PTPRD: variants seen among roughly 807,000 people sequenced by gnomAD.
The protein encoded by PTPRD is protein tyrosine phosphatase receptor type D.
PTPRD carries 34 observed loss-of-function variants against 214.5 expected under a neutral mutation model. That is an observed-to-expected ratio of 0.16 (90% confidence interval 0.12 to 0.21). PTPRD has a LOEUF of 0.21. PTPRD is among the 10% of genes least tolerant of loss of function. The pLI is 1.00. For synonymous variants in PTPRD, 1,128 were observed against 845.7 expected, an observed-to-expected ratio of 1.33 and a Z score of -5.79; for missense variants, 2,545 against 2,398.7, an observed-to-expected ratio of 1.06 and a Z score of -1.27.
intron 9 of PTPRD, among the ~76,000 whole-genome samples, chr9:9,276,955 C>G (rs116943154): frequency 6.6e-6 from 1 of 151,376 alleles, no homozygotes; most frequent in East Asian, 2.0e-4. Context: ...AATGCCAGGA[C>G]AGCATTTTCA....
chr9:9,685,834 A>G (rs2097157136), intron 7 of PTPRD, among the ~76,000 whole-genome samples: 1 of 151,284 alleles, frequency 6.6e-6, no homozygotes, highest in African/African-American at 2.4e-5. Flanking sequence ...AAGCTCTACA[A>G]CTCTTCATTA....
chr9:10,164,420 T>A (rs2099146715), intron 3 of PTPRD, among the ~76,000 whole-genome samples: 1 of 151,512 alleles, frequency 6.6e-6, no homozygotes, highest in Non-Finnish European at 1.5e-5. Flanking sequence ...ATACTAAGTT[T>A]GCCATCGATG....
rs1409746987 is a variant in PTPRD at position 9,395,190 on chromosome 9, A to AC, written c.-203+2258_-203+2259insG. Reference sequence around the variant, plus strand: ...TGACCCTCCCAGGAACATGAAACAAAAAAAAAAAAAAGTATGGGGTCTAAT... The same window carrying AC: ...TGACCCTCCCAGGAACATGAAACAAACAAAAAAAAAAAGTATGGGGTCTAAT... On this transcript the variant is annotated intron_variant, in intron 9 of 45. Transcript: ENST00000381196. 4.3e-3 allele frequency among the ~76,000 whole-genome samples: 654 copies of AC among 150,806 alleles called. 6 individuals carry two copies. Among genetic ancestry groups the AC allele is most frequent in the Admixed American group, 0.014 (212 of 15,106 alleles).
At chr9:9,663,055 A>C (rs932781263) in intron 7 of PTPRD, among the ~76,000 whole-genome samples, 1 of 151,554 alleles carries the variant, frequency 6.6e-6, no homozygotes, top group Non-Finnish European at 1.5e-5. Context: ...TGAGATACAT[A>C]AATAGCAAAA....
chr9:9,021,761 A>T (rs1291403440), intron 10 of PTPRD, among the ~76,000 whole-genome samples: 1 of 152,154 alleles, frequency 6.6e-6, no homozygotes, highest in South Asian at 2.1e-4. Flanking sequence ...AGTAAAAAAA[A>T]GTTTTAAGTA....
chr9:10,198,723 A>G (rs926118619), intron 3 of PTPRD, among the ~76,000 whole-genome samples: 2 of 152,156 alleles, frequency 1.3e-5, no homozygotes, highest in Non-Finnish European at 2.9e-5. Flanking sequence ...CAGCAGATTA[A>G]TAAGCCTTTT....
intron 2 of PTPRD, among the ~76,000 whole-genome samples, chr9:10,462,475 G>A (rs933879935): frequency 3.3e-5 from 5 of 152,118 alleles, no homozygotes; most frequent in African/African-American, 1.2e-4. Flanking sequence ...AAGCAGTACC[G>A]GATTTAGCCT....
At chr9:8,527,271 T>C in intron 16 of PTPRD, 74 bp downstream of exon 16, 2 of 1,482,368 alleles carry the variant, frequency 1.3e-6, no homozygotes, top group South Asian at 2.4e-5. Flanking sequence ...CCATGCATTT[T>C]ATTAATAATA....
intron 36 of PTPRD, among the ~76,000 whole-genome samples, chr9:8,397,882 T>C (rs1589458501): frequency 6.6e-6 from 1 of 152,156 alleles, no homozygotes; most frequent in African/African-American, 2.4e-5. Flanking sequence ...TTGGATTTTT[T>C]TGAATTGCTC....
chr9:9,367,689 A>T (rs1231002256), intron 9 of PTPRD, among the ~76,000 whole-genome samples: 1 of 151,616 alleles, frequency 6.6e-6, no homozygotes, highest in Non-Finnish European at 1.5e-5. Flanking sequence ...ACTGCCAGAG[A>T]CGTGTTCGGA....
chr9:9,916,692 A>C (rs977514568), intron 5 of PTPRD, among the ~76,000 whole-genome samples: 2 of 152,010 alleles, frequency 1.3e-5, no homozygotes, highest in Non-Finnish European at 2.9e-5. Flanking sequence ...AAAACAGAAA[A>C]ACAAAGAAAC....
chr9:10,038,359 T>C (rs999145793), intron 3 of PTPRD, among the ~76,000 whole-genome samples: 59 of 152,238 alleles, frequency 3.9e-4, no homozygotes, highest in South Asian at 2.7e-3. Flanking sequence ...AAATTGGACA[T>C]TTTTACATCA....
At chr9:9,556,924 A>T (rs1290775875) in intron 8 of PTPRD, among the ~76,000 whole-genome samples, 1 of 152,152 alleles carries the variant, frequency 6.6e-6, no homozygotes, top group Non-Finnish European at 1.5e-5. Flanking sequence ...TCTACTGTAG[A>T]AAAGAGTAAA....
At chr9:10,207,334 A>G (rs73398328) in intron 3 of PTPRD, among the ~76,000 whole-genome samples, 2,149 of 152,170 alleles carry the variant, frequency 0.014, 42 homozygotes, top group African/African-American at 0.046. Flanking sequence ...TCAACAGTTA[A>G]TTCTTTCTCT....
At chr9:8,877,352 G>A (rs964563429) in intron 11 of PTPRD, among the ~76,000 whole-genome samples, 18 of 152,202 alleles carry the variant, frequency 1.2e-4, no homozygotes, top group African/African-American at 3.1e-4. Flanking sequence ...TTTATTAAAC[G>A]TTGTTTAATC....
chr9:9,478,742 G>GA (rs1208372736), intron 8 of PTPRD, among the ~76,000 whole-genome samples: 2 of 151,940 alleles, frequency 1.3e-5, no homozygotes, highest in South Asian at 2.1e-4. Flanking sequence ...TCAAAATGTT[G>GA]AAAAAAAATT....
chr9:8,318,027 C>G, intron 45 of PTPRD, 85 bp from the exon 46 acceptor site: 2 of 1,270,074 alleles, frequency 1.6e-6, no homozygotes, highest in Non-Finnish European at 2.2e-6. Context: ...TATTGCATAA[C>G]AAAATAACAT....
intron 7 of PTPRD, among the ~76,000 whole-genome samples, chr9:9,620,393 T>A (rs2095172171): frequency 6.6e-6 from 1 of 152,174 alleles, no homozygotes; most frequent in Non-Finnish European, 1.5e-5. Context: ...ATAACCATAT[T>A]TATCCTCAGC....
chr9:10,298,847 A>G (rs534785075), intron 3 of PTPRD, among the ~76,000 whole-genome samples: 1 of 152,084 alleles, frequency 6.6e-6, no homozygotes, highest in African/African-American at 2.4e-5. Context: ...TGTATATTTA[A>G]GCACTGAAAA....
Sources: allele counts gnomAD v4.1 joint callset (sites outside exome capture counted in the v4.1 genomes callset), GRCh38; gene constraint gnomAD v4.1.1; transcripts MANE v1.5; gene names NCBI Gene and HGNC (gene_info 2026-07-23, HGNC 2026-07-21).